The following EPN2 variants were observed in gnomAD, a reference collection of about 807,000 sequenced individuals.
EPN2 encodes epsin 2, also known as epsin-2.
A neutral mutation model predicts 61.7 loss-of-function variants in EPN2; 34 were observed. That is an observed-to-expected ratio of 0.55 (90% CI 0.42 to 0.73). EPN2 has a LOEUF of 0.73. EPN2 is among the 30% of genes least tolerant of loss of function. The pLI, the probability that EPN2 is intolerant of heterozygous loss-of-function variation, is 0.00. For synonymous variants in EPN2, 349 were observed against 353.6 expected, an observed-to-expected ratio of 0.99 and a Z score of 0.15; for missense variants, 714 against 839.2, an observed-to-expected ratio of 0.85 and a Z score of 1.84.
At position 19,333,946 on chromosome 17, in the gene EPN2, G is replaced by C; in HGVS notation, c.1628-10G>C. ...CGGCTCAGCCTCTGCCCCTCCTTCT[G>C]TCTCCCCAGGTGCTCCCGCCACCTC... On this transcript the variant is annotated splice_polypyrimidine_tract_variant and intron_variant, in intron 10 of 10. Coordinates refer to ENST00000314728, the MANE Select transcript of EPN2 (RefSeq NM_014964.5). The C allele has an allele frequency of 6.6e-7, 1 of 1,519,218 alleles. No homozygotes were observed. Among genetic ancestry groups the C allele is most frequent in the Non-Finnish European group, 8.9e-7 (1 of 1,129,512 alleles). 94.1% of individuals were successfully genotyped at this position (1,519,218 alleles called of 1,614,324 possible).
chr17:19,263,695 G>A (rs2045167251), intron 1 of EPN2, among the ~76,000 whole-genome samples: 1 of 152,226 alleles, frequency 6.6e-6, no homozygotes, highest in Non-Finnish European at 1.5e-5. Context: ...CTGGGTCAGT[G>A]CCTGGCACAT....
At chr17:19,326,771 G>A (rs1233474801) in intron 7 of EPN2, among the ~76,000 whole-genome samples, 6 of 150,490 alleles carry the variant, frequency 4.0e-5, no homozygotes, top group African/African-American at 9.8e-5. Flanking sequence ...CTTGACTTAC[G>A]ACAGAGGAGG....
chr17:19,294,805 G>T (rs1171647881), intron 4 of EPN2, among the ~76,000 whole-genome samples: 2 of 152,146 alleles, frequency 1.3e-5, no homozygotes, highest in East Asian at 3.8e-4. Flanking sequence ...TACTGCGGTG[G>T]CACTGACAGC....
intron 1 of EPN2, among the ~76,000 whole-genome samples, chr17:19,265,401 A>G (rs959021527): frequency 6.6e-6 from 1 of 150,736 alleles, no homozygotes; most frequent in South Asian, 2.1e-4. Context: ...AAGAACGTCT[A>G]GGAAGTTACA....
chr17:19,303,707 T>C (rs562119136), intron 4 of EPN2: 6 of 152,384 alleles, frequency 3.9e-5, no homozygotes, highest in Admixed American at 2.6e-4. Context: ...CACATCCACC[T>C]TGTGGCTGGA....
chr17:19,302,967 G>A (rs532527238), intron 4 of EPN2, among the ~76,000 whole-genome samples: 7 of 152,342 alleles, frequency 4.6e-5, no homozygotes, highest in Non-Finnish European at 7.3e-5. Flanking sequence ...ATAGGGCAGG[G>A]AGGAAGAGTT....
intron 1 of EPN2, among the ~76,000 whole-genome samples, chr17:19,266,694 G>A (rs555188849): frequency 2.0e-5 from 3 of 151,688 alleles, no homozygotes; most frequent in Non-Finnish European, 2.9e-5. Context: ...AAGCCACCAC[G>A]CCCGGCCATC....
At position 19,281,557 on chromosome 17, in the gene EPN2, G is replaced by A. The variant is rs375521340; in HGVS notation, c.-293-398G>A. On this transcript the variant is annotated intron_variant, in intron 1 of 10. Transcript: ENST00000314728. The stretch of plus-strand genomic sequence containing the variant: ...TCTGAGGCTTTAGATGAGGAAGGTA[G>A]GAGCTACCTGTTGTTTCTGTGGCAG... Among the ~76,000 whole-genome samples the A allele has an allele frequency of 1.5e-3, 235 of 152,250 alleles. 9 individuals carry two copies. The South Asian group carries it at 0.048, about 31-fold the overall frequency.
chr17:19,319,386 G>T (rs940011482), intron 7 of EPN2, among the ~76,000 whole-genome samples: 4 of 151,008 alleles, frequency 2.6e-5, no homozygotes, highest in African/African-American at 9.7e-5. Flanking sequence ...GTGCAGTGGC[G>T]CAATCTCGGC....
At chr17:19,318,549 CAAAAAA>C (rs58660254) in intron 7 of EPN2, among the ~76,000 whole-genome samples, 6 of 24,770 alleles carry the variant, frequency 2.4e-4, no homozygotes, top group African/African-American at 3.7e-4. Context: ...GACTCCATCT[CAAAAAA>C]AAAAAAAAAA....
intron 7 of EPN2, chr17:19,313,519 C>T (rs866459137): frequency 2.9e-5 from 12 of 419,324 alleles, no homozygotes; most frequent in Middle Eastern, 3.0e-4. Context: ...TCAACCTCCC[C>T]TCAACCTCCC....
Position 19,283,279 on chromosome 17 carries a change from T to A in EPN2, c.160T>A (p.Ser54Thr). 1 of 1,614,088 alleles carries A rather than the reference T, an allele frequency of 6.2e-7. No individual in the cohort carries two copies. The highest frequency in any genetic ancestry group is 8.5e-7 in the Non-Finnish European group (1 of 1,180,002). Residue 54 changes from serine (S) to threonine (T), a missense_variant, in exon 3 of 11, where the codon TCG becomes ACG. Coordinates refer to ENST00000314728, the MANE Select transcript of EPN2 (RefSeq NM_014964.5). This position sits in a 1 kb window ranked among gnomAD's most constrained non-coding sequence, Gnocchi z 7.0. ...CCTGACCTACAACGTGGTGGCCTTCTCGGAGATCATGAGCATGGTGTGGAA... is the reference window on the plus strand; with the variant it reads ...CCTGACCTACAACGTGGTGGCCTTCACGGAGATCATGAGCATGGTGTGGAA... ...ADLTYNVVAF[S>T]EIMSMVWKRL...
rs114848999 is a variant in EPN2 at position 19,312,304 on chromosome 17, G to A, written c.972+160G>A. On this transcript the variant is annotated intron_variant, in intron 6 of 10. Transcript: ENST00000314728. ...GTGAGCGAGAGCCAGGTGAGCAAGCGACTGAAAACACACCTGAACTAACCA... is the reference window on the plus strand; with the variant it reads ...GTGAGCGAGAGCCAGGTGAGCAAGCAACTGAAAACACACCTGAACTAACCA... Among the ~76,000 whole-genome samples, 172 of 152,292 alleles carry A rather than the reference G, an allele frequency of 1.1e-3. 1 individual carries two copies. Among genetic ancestry groups the A allele is most frequent in the African/African-American group, 3.9e-3 (163 of 41,568 alleles).
intron 7 of EPN2, among the ~76,000 whole-genome samples, chr17:19,316,209 TG>T (rs1215072510): frequency 1.1e-4 from 16 of 152,364 alleles, no homozygotes. Context: ...GATAGAAACC[TG>T]GATTTTTGAA....
chr17:19,305,117 G>GTTTTT (rs1222270324), intron 4 of EPN2, among the ~76,000 whole-genome samples: 2 of 145,458 alleles, frequency 1.4e-5, no homozygotes, highest in South Asian at 2.3e-4. Flanking sequence ...ATATACTTTG[G>GTTTTT]TTTTTTTTTT....
chr17:19,320,098 C>G (rs913415580), intron 7 of EPN2, among the ~76,000 whole-genome samples: 4 of 152,254 alleles, frequency 2.6e-5, no homozygotes, highest in African/African-American at 9.6e-5. Flanking sequence ...ATCCTGGATT[C>G]CCTTAAATGC....
At chr17:19,310,571 C>CTTTTTTTTTTTT (rs71155391) in intron 5 of EPN2, among the ~76,000 whole-genome samples, 34 of 80,918 alleles carry the variant, frequency 4.2e-4, no homozygotes, top group African/African-American at 6.0e-4. Flanking sequence ...CTCCTTCTTT[C>CTTTTTTTTTTTT]TTTTTTTTTT....
At chr17:19,271,781 T>C (rs766196953) in intron 1 of EPN2, 12 of 152,292 alleles carry the variant, frequency 7.9e-5, no homozygotes, top group Non-Finnish European at 1.6e-4. Context: ...GGTCTTGCAC[T>C]TGTACATGCA....
In EPN2 at chr17:19,281,694, T is replaced by C. The variant is rs187607663; in HGVS notation, c.-293-261T>C. Among the ~76,000 whole-genome samples the C allele has an allele frequency of 1.0e-3, 158 of 152,114 alleles. 3 individuals are homozygous for C. The East Asian group carries it at 0.026, about 25-fold the overall frequency. On this transcript the variant is annotated intron_variant, in intron 1 of 10. Transcript: ENST00000314728. ...ATTCCAGGCTTCGGTTCCTCACTTG[T>C]GTAGTGGGAAAAATAATCCTTCCTC...
Sources: gnomAD v4.1 joint callset for allele counts (sites outside exome capture counted in the v4.1 genomes callset) on GRCh38, gnomAD v4.1.1 for gene constraint, Gnocchi (gnomAD v3.1) non-coding constraint, MANE v1.5 for transcripts, NCBI Gene and HGNC (gene_info 2026-07-23, HGNC 2026-07-21) for gene names.